The following SPATA16 variants were observed in gnomAD, a reference collection of about 807,000 sequenced individuals.
SPATA16 encodes spermatogenesis-associated protein 16.
In SPATA16, 36 loss-of-function variants were observed where a neutral mutation model predicts 63.3. The observed-to-expected ratio is 0.57, with a 90% confidence interval of 0.44 to 0.75. The LOEUF (loss-of-function observed/expected upper bound fraction) is 0.75. SPATA16 is among the 30% of genes least tolerant of loss of function. The pLI is 0.00. For missense variants in SPATA16, 646 were observed against 679.3 expected (o/e 0.95, Z 0.54); for synonymous variants, 203 against 216.7 (o/e 0.94, Z 0.56).
intron 4 of SPATA16, among the ~76,000 whole-genome samples, chr3:172,996,330 A>G (rs1224681195): frequency 1.3e-5 from 2 of 152,128 alleles, no homozygotes; most frequent in Non-Finnish European, 2.9e-5. Flanking sequence ...TTTCTTCACC[A>G]TAAGGTTAAC....
At chr3:172,907,840 A>G (rs11919542) in intron 10 of SPATA16, among the ~76,000 whole-genome samples, 19,826 of 151,930 alleles carry the variant, frequency 0.13, 1,842 homozygotes, top group African/African-American at 0.26. Flanking sequence ...GGCCTCCCAA[A>G]GTGTTGGTAT....
intron 6 of SPATA16, among the ~76,000 whole-genome samples, chr3:172,954,282 C>T (rs1733519213): frequency 6.6e-6 from 1 of 152,134 alleles, no homozygotes; most frequent in Non-Finnish European, 1.5e-5. Flanking sequence ...AGAACTTGTG[C>T]AGGGGAACTC....
At chr3:172,948,695 T>G (rs979583244) in intron 6 of SPATA16, among the ~76,000 whole-genome samples, 1 of 152,124 alleles carries the variant, frequency 6.6e-6, no homozygotes, top group Admixed American at 6.6e-5. Flanking sequence ...CTTGAACTCC[T>G]GGGTTCAAGT....
rs1398227589 is a variant in SPATA16 at position 173,117,212 on chromosome 3, T to C, written c.520A>G (p.Lys174Glu). Residue 174 changes from lysine to glutamate, a missense_variant, in exon 2 of 11, where the codon AAA becomes GAA. Transcript: ENST00000351008. The part of the protein sequence containing the change: ...HNFSFLPQID[K>E]WLQVALKDAS... The stretch of plus-strand genomic sequence containing the variant: ...TCCTTTAAGGCTACCTGAAGCCATT[T>C]GTCAATCTGAGGCAGAAAGCTGAAA... 3 of 1,614,064 alleles carry C rather than the reference T, an allele frequency of 1.9e-6. No individual in the cohort carries two copies. The highest frequency in any genetic ancestry group is 3.3e-5 in the Admixed American group (2 of 59,994).
rs113236282 is a variant in SPATA16, at chr3:173,075,704, T to C, written c.613-26610A>G. Among the ~76,000 whole-genome samples, 1,256 of 152,152 alleles carry C rather than the reference T, an allele frequency of 8.3e-3. 20 individuals carry two copies. The highest frequency in any genetic ancestry group is 0.028 in the African/African-American group (1,152 of 41,522). On this transcript the variant is annotated intron_variant, in intron 2 of 10. Transcript: ENST00000351008. The stretch of plus-strand genomic sequence containing the variant: ...CAAATATCACAGGTCCTCACTAACA[T>C]GTTGAAGCTAAAGAAAAATTGAACT...
At chr3:173,126,637 T>G (rs1050443105) in intron 1 of SPATA16, among the ~76,000 whole-genome samples, 1 of 152,268 alleles carries the variant, frequency 6.6e-6, no homozygotes, top group Non-Finnish European at 1.5e-5. Flanking sequence ...GTTTGGTTTC[T>G]TAAACTATAA....
intron 6 of SPATA16, among the ~76,000 whole-genome samples, chr3:172,955,817 T>G (rs902118877): frequency 6.6e-6 from 1 of 152,168 alleles, no homozygotes; most frequent in African/African-American, 2.4e-5. Context: ...TTCTTGTTCC[T>G]AAATGGGAAG....
At chr3:172,895,219 A>G (rs1731982268) in intron 10 of SPATA16, among the ~76,000 whole-genome samples, 1 of 152,246 alleles carries the variant, frequency 6.6e-6, no homozygotes, top group African/African-American at 2.4e-5. Flanking sequence ...GATACGGAAC[A>G]GTTCCATTAC....
chr3:173,065,618 GA>G (rs896640558), intron 2 of SPATA16, among the ~76,000 whole-genome samples: 2 of 152,166 alleles, frequency 1.3e-5, no homozygotes, highest in African/African-American at 4.8e-5. Context: ...GGGCAGAAAA[GA>G]AAGTCTTGCA....
chr3:172,933,454 A>G (rs1272657242), intron 6 of SPATA16, among the ~76,000 whole-genome samples: 1 of 152,164 alleles, frequency 6.6e-6, no homozygotes, highest in Non-Finnish European at 1.5e-5. Context: ...GGATCCGGGA[A>G]TTGTGTGGAA....
intron 2 of SPATA16, among the ~76,000 whole-genome samples, chr3:173,079,368 A>G (rs1736876702): frequency 6.6e-6 from 1 of 152,178 alleles, no homozygotes; most frequent in Non-Finnish European, 1.5e-5. Flanking sequence ...TGTTAAAATA[A>G]GTGAAAAAAT....
intron 6 of SPATA16, among the ~76,000 whole-genome samples, chr3:172,935,049 G>T (rs1033993228): frequency 1.3e-5 from 2 of 152,112 alleles, no homozygotes; most frequent in African/African-American, 4.8e-5. Flanking sequence ...AGAGACCACC[G>T]TATTATTACT....
At chr3:172,916,531 C>A (rs1274464317) in intron 8 of SPATA16, 50 bp from the exon 9 acceptor site, 1 of 1,600,664 alleles carries the variant, frequency 6.2e-7, no homozygotes, top group Non-Finnish European at 8.6e-7. Context: ...CGGAAATAGA[C>A]CTCTCCCCAG....
intron 8 of SPATA16, among the ~76,000 whole-genome samples, chr3:172,922,593 G>T (rs1732636545): frequency 6.6e-6 from 1 of 152,166 alleles, no homozygotes; most frequent in Non-Finnish European, 1.5e-5. Flanking sequence ...TCAGTTTCCT[G>T]ACAAGTGACA....
chr3:172,895,490 C>A (rs1388546371), intron 10 of SPATA16, among the ~76,000 whole-genome samples: 1 of 152,064 alleles, frequency 6.6e-6, no homozygotes, highest in Non-Finnish European at 1.5e-5. Flanking sequence ...CATGTGCCAC[C>A]ACAGTAGGCT....
At chr3:173,075,158 A>G (rs888001364) in intron 2 of SPATA16, among the ~76,000 whole-genome samples, 1 of 147,724 alleles carries the variant, frequency 6.8e-6, no homozygotes, top group African/African-American at 2.5e-5. Flanking sequence ...TGAAATTATA[A>G]AAAAAAAAGG....
chr3:172,993,521 A>G (rs1273568203), intron 4 of SPATA16, among the ~76,000 whole-genome samples: 1 of 152,148 alleles, frequency 6.6e-6, no homozygotes, highest in East Asian at 1.9e-4. Flanking sequence ...AATGATGATG[A>G]TGAACAGCAA....
rs149907942 is a variant in SPATA16, at chr3:173,140,936, G to T, written c.-19+167C>A. ...AGATGATTTCTTGGTTACTTATTAG[G>T]GCTTTTTATAAGCAACATTCCTCAT... On this transcript the variant is annotated intron_variant, in intron 1 of 10. Coordinates refer to ENST00000351008, the MANE Select transcript of SPATA16 (RefSeq NM_031955.6). 1.5e-3 allele frequency among the ~76,000 whole-genome samples: 221 copies of T among 152,230 alleles called. 2 individuals carry two copies. The highest frequency in any genetic ancestry group is 5.0e-3 in the African/African-American group (208 of 41,540).
At chr3:172,981,398 T>G (rs1734314899) in intron 4 of SPATA16, among the ~76,000 whole-genome samples, 1 of 152,200 alleles carries the variant, frequency 6.6e-6, no homozygotes, top group African/African-American at 2.4e-5. Context: ...AACCTCTTTA[T>G]AGTGGCGTTT....
Sources: gnomAD v4.1 joint callset for allele counts (sites outside exome capture counted in the v4.1 genomes callset) on GRCh38, gnomAD v4.1.1 for gene constraint, MANE v1.5 for transcripts, NCBI Gene and HGNC (gene_info 2026-07-23, HGNC 2026-07-21) for gene names.